The following TTC3 variants were observed in gnomAD, a reference collection of about 807,000 sequenced individuals.
TTC3 encodes the protein E3 ubiquitin-protein ligase TTC3.
Under a neutral mutation model 249.6 loss-of-function variants are expected in TTC3, and 180 were observed. The ratio of observed to expected loss-of-function variants is 0.72; its 90% confidence interval spans 0.64 to 0.82. TTC3 has a LOEUF of 0.82. Among genes scored for constraint, TTC3 ranks in the 40% least tolerant of loss-of-function variants. TTC3 has a pLI of 0.00. For missense variants in TTC3, 2,061 were observed against 2,398.4 expected (o/e 0.86, Z 2.94); for synonymous variants, 717 against 805.0 (o/e 0.89, Z 1.85).
Position 37,148,656 on chromosome 21 carries a change from T to A in TTC3, c.2118+9T>A. On this transcript the variant is annotated intron_variant, in intron 23 of 45. Coordinates refer to ENST00000355666, the Ensembl canonical transcript of TTC3. The stretch of plus-strand genomic sequence containing the variant: ...ATGATAAAATTGACAAGGTAAAGCA[T>A]AACAGGATTGTCTGAATTTTTCAGT... 1 of 1,544,860 alleles carries A rather than the reference T, an allele frequency of 6.5e-7. No homozygotes were observed. The highest frequency in any genetic ancestry group is 8.7e-7 in the Non-Finnish European group (1 of 1,144,690).
At chr21:37,075,252 A>C (rs1388114217) in intron 1 of TTC3, among the ~76,000 whole-genome samples, 1 of 142,840 alleles carries the variant, frequency 7.0e-6, no homozygotes, top group East Asian at 2.0e-4. Context: ...CATTCATTTT[A>C]ATTGCTGGTA....
At chr21:37,115,133 A>G (rs2076020747) in intron 11 of TTC3, among the ~76,000 whole-genome samples, 1 of 151,350 alleles carries the variant, frequency 6.6e-6, no homozygotes. Context: ...TACCTATGTA[A>G]CAAACCTGCA....
At chr21:37,091,711 A>G (rs2073298734) in intron 7 of TTC3, 1 of 156,558 alleles carries the variant, frequency 6.4e-6, no homozygotes, top group Admixed American at 6.5e-5. Context: ...CCTCCCGAGT[A>G]GTTGAGACTA....
rs1569139063 is a variant in TTC3, at chr21:37,172,592, TA to T, written c.4468-2del. The T allele has an allele frequency of 6.2e-7, 1 of 1,608,606 alleles. No individual in the cohort carries two copies. Among genetic ancestry groups the T allele is most frequent in the Non-Finnish European group, 8.5e-7 (1 of 1,178,622 alleles). ...AATAGATTGTTTTGTAATTCACTTT[TA>T]GGGGGAAATTTCACGGATTGAAAAG... On this transcript the variant is annotated splice_acceptor_variant, in intron 34 of 45. Transcript: ENST00000355666. LOFTEE classifies it high-confidence loss of function.
In TTC3 at chr21:37,201,363, G is replaced by A. The variant is rs2085482498; in HGVS notation, c.5944-77G>A. The A allele has an allele frequency of 4.4e-6, 7 of 1,596,830 alleles. No homozygotes were observed. In the African/African-American group the frequency reaches 8.1e-5, roughly 18 times the overall value. On this transcript the variant is annotated intron_variant, in intron 45 of 45. Coordinates refer to ENST00000355666, the Ensembl canonical transcript of TTC3. Reference sequence around the variant, plus strand: ...AGGGCAAGTGAGCCACGCCTGCCAAGGAGCCCAGCAGCACAGGGGAGCTAA... The same window carrying A: ...AGGGCAAGTGAGCCACGCCTGCCAAAGAGCCCAGCAGCACAGGGGAGCTAA...
At chr21:37,122,833 A>G (rs1157594149) in intron 12 of TTC3, 150 bp from the exon 13 acceptor site, 4 of 760,240 alleles carry the variant, frequency 5.3e-6, no homozygotes, top group Middle Eastern at 3.0e-4. Context: ...AACTAAAGAC[A>G]TCTAGAAATG....
At position 37,201,516 on chromosome 21, in the gene TTC3, C is replaced by T. The variant is rs145673282; in HGVS notation, c.6020C>T (p.Pro2007Leu). The change falls in exon 46 of 46, where the codon CCT (proline) becomes CTT (leucine). Residue 2007 changes from proline to leucine, a missense_variant. This residue lies in a region of TTC3 where 1,040 missense variants were observed against 1,186.1 expected (regional missense o/e 0.88). Transcript: ENST00000355666. ...CGTGATCTCCTGACAGAAGAGTCAC[C>T]TTCTGGAAGAGGCTGGCCCAGTCAG... 1.1e-5 allele frequency: 18 copies of T among 1,613,880 alleles called. No homozygotes were observed. The African/African-American group carries it at 1.3e-4, about 12-fold the overall frequency.
chr21:37,156,543 C>T, intron 27 of TTC3, 112 bp from the exon 28 acceptor site: 2 of 1,346,304 alleles, frequency 1.5e-6, no homozygotes, highest in Non-Finnish European at 1.0e-6. Flanking sequence ...AATGTTTTTG[C>T]TGAGAATATA....
chr21:37,150,000 T>TA, intron 23 of TTC3, 78 bp from the exon 24 acceptor site: 2 of 1,053,500 alleles, frequency 1.9e-6, no homozygotes, highest in Non-Finnish European at 2.8e-6. Context: ...TTCCTAGTGG[T>TA]AAAAATAGTA....
chr21:37,151,663 C>T (rs1439125656), intron 25 of TTC3, among the ~76,000 whole-genome samples: 1 of 152,146 alleles, frequency 6.6e-6, no homozygotes, highest in Non-Finnish European at 1.5e-5. Flanking sequence ...GACATCTATA[C>T]AATCTGTAGA....
intron 30 of TTC3, 55 bp downstream of exon 30, chr21:37,160,913 G>A: frequency 6.5e-7 from 1 of 1,529,244 alleles, no homozygotes; most frequent in Non-Finnish European, 8.9e-7. Flanking sequence ...ATAGTTAGTT[G>A]GACATATACA....
chr21:37,164,307 A>T, intron 32 of TTC3, 92 bp downstream of exon 32: 3 of 1,174,598 alleles, frequency 2.6e-6, no homozygotes, highest in Non-Finnish European at 2.3e-6. Flanking sequence ...GTTTTTAGAG[A>T]TTTTGCCACA....
intron 1 of TTC3, among the ~76,000 whole-genome samples, chr21:37,076,694 A>ATTTTTTTTTTTTT (rs61629167): frequency 2.1e-4 from 20 of 95,000 alleles, no homozygotes; most frequent in African/African-American, 8.0e-4. Flanking sequence ...AAACAAAGGG[A>ATTTTTTTTTTTTT]TTTTTTTTTT....
intron 35 of TTC3, among the ~76,000 whole-genome samples, chr21:37,177,439 A>G (rs1324808271): frequency 6.6e-6 from 1 of 152,154 alleles, no homozygotes; most frequent in East Asian, 1.9e-4. Context: ...GGATGGAGCT[A>G]TGAATGCCAT....
At chr21:37,126,566 A>G (rs1045483950) in intron 15 of TTC3, among the ~76,000 whole-genome samples, 1 of 152,208 alleles carries the variant, frequency 6.6e-6, no homozygotes, top group Non-Finnish European at 1.5e-5. Flanking sequence ...CTTTATGTAT[A>G]AAAGGAATTG....
chr21:37,160,991 T>C (rs892435874), intron 30 of TTC3, 133 bp downstream of exon 30: 4 of 848,184 alleles, frequency 4.7e-6, no homozygotes, highest in Middle Eastern at 3.3e-4. Flanking sequence ...GACTTAAAGA[T>C]GTTTTGGCAG....
At chr21:37,119,669 G>A (rs1013056477) in intron 11 of TTC3, among the ~76,000 whole-genome samples, 4 of 152,098 alleles carry the variant, frequency 2.6e-5, no homozygotes, top group African/African-American at 7.2e-5. Context: ...ATCAGTAAGC[G>A]GGATCAATCA....
chr21:37,160,263 C>A (rs1290793592), intron 29 of TTC3, among the ~76,000 whole-genome samples: 2 of 152,080 alleles, frequency 1.3e-5, no homozygotes, highest in African/African-American at 2.4e-5. Context: ...TGGCAGTTTT[C>A]AAAGAGAAAA....
chr21:37,099,696 C>T (rs751281392), intron 10 of TTC3, among the ~76,000 whole-genome samples: 33 of 152,148 alleles, frequency 2.2e-4, no homozygotes, highest in Non-Finnish European at 4.3e-4. Context: ...CTCTCATATT[C>T]AGCTGGAGAA....
Sources: gnomAD v4.1 joint callset for allele counts (sites outside exome capture counted in the v4.1 genomes callset) on GRCh38, gnomAD v4.1.1 for gene constraint, gnomAD v4.1.1 regional missense constraint, MANE v1.5 for transcripts, NCBI Gene and HGNC (gene_info 2026-07-23, HGNC 2026-07-21) for gene names.